Variants in ALCAM observed in about 807,000 individuals in gnomAD.
ALCAM encodes the protein CD166 antigen.
In ALCAM, 30 loss-of-function variants were observed where a neutral mutation model predicts 70.9. The observed-to-expected ratio is 0.42, with a 90% CI of 0.32 to 0.57. The LOEUF is 0.57. Among genes scored for constraint, ALCAM ranks in the 20% least tolerant of loss-of-function variants. ALCAM has a pLI of 0.11. For synonymous variants in ALCAM, 249 were observed against 242.5 expected, an observed-to-expected ratio of 1.03 and a Z score of -0.25; for missense variants, 591 against 695.1, an observed-to-expected ratio of 0.85 and a Z score of 1.68.
At chr3:105,526,203 A>C (rs73006164) in intron 3 of ALCAM, among the ~76,000 whole-genome samples, 14,759 of 151,990 alleles carry the variant, frequency 0.097, 753 homozygotes, top group Non-Finnish European at 0.12. Flanking sequence ...TCCTACACTG[A>C]GATGGTAATA....
chr3:105,391,883 T>A (rs1246393494), intron 1 of ALCAM, among the ~76,000 whole-genome samples: 4 of 152,030 alleles, frequency 2.6e-5, no homozygotes, highest in African/African-American at 9.7e-5. Flanking sequence ...ACATTGATTG[T>A]TTTATGTATG....
chr3:105,539,948 G>T (rs1576230276), intron 6 of ALCAM, 27 bp from the exon 7 acceptor site: 3 of 1,608,020 alleles, frequency 1.9e-6, no homozygotes, highest in Non-Finnish European at 1.7e-6. Flanking sequence ...GACAAAAATG[G>T]TTAACTTGTG....
At chr3:105,447,216 GAT>G (rs915221122) in intron 1 of ALCAM, among the ~76,000 whole-genome samples, 1 of 151,872 alleles carries the variant, frequency 6.6e-6, no homozygotes, top group African/African-American at 2.4e-5. Context: ...AGAGAAATGT[GAT>G]ATATATATGT....
chr3:105,403,341 G>T (rs1936138690), intron 1 of ALCAM, among the ~76,000 whole-genome samples: 1 of 152,108 alleles, frequency 6.6e-6, no homozygotes, highest in Non-Finnish European at 1.5e-5. Context: ...CCCTTATGGT[G>T]TCCACTTCAC....
At chr3:105,512,083 TA>T (rs1439853562) in intron 1 of ALCAM, among the ~76,000 whole-genome samples, 5 of 152,062 alleles carry the variant, frequency 3.3e-5, no homozygotes, top group Non-Finnish European at 5.9e-5. Context: ...CTTTGTGATA[TA>T]TTTTTTCTAA....
intron 1 of ALCAM, among the ~76,000 whole-genome samples, chr3:105,385,983 CA>C (rs1338550814): frequency 6.6e-6 from 1 of 151,472 alleles, no homozygotes. Flanking sequence ...TCTAGAAAAC[CA>C]GTGTTTTCAA....
At chr3:105,368,664 C>T (rs1935145042) in intron 1 of ALCAM, among the ~76,000 whole-genome samples, 1 of 152,124 alleles carries the variant, frequency 6.6e-6, no homozygotes, top group Non-Finnish European at 1.5e-5. Context: ...GCCTCTGAAT[C>T]TCTCCCAGGA....
In ALCAM at chr3:105,367,345, C is replaced by T. The variant is rs1178564791; in HGVS notation, c.-64C>T. On this transcript the variant is annotated 5_prime_UTR_variant, in exon 1 of 16. Coordinates refer to ENST00000306107, the MANE Select transcript of ALCAM (RefSeq NM_001627.4). The stretch of plus-strand genomic sequence containing the variant: ...CGCCAGCGCGCGGGCACCGCGGGGC[C>T]CGGGACGACGCCCCCTCCTGCGGCG... The T allele has an allele frequency of 6.3e-7, 1 of 1,575,668 alleles. No homozygotes were observed. Among genetic ancestry groups the T allele is most frequent in the Non-Finnish European group, 8.7e-7 (1 of 1,151,808 alleles).
intron 14 of ALCAM, among the ~76,000 whole-genome samples, chr3:105,567,027 T>C (rs1559659594): frequency 6.6e-6 from 1 of 152,300 alleles, no homozygotes; most frequent in Admixed American, 6.5e-5. Context: ...TTCACTGATA[T>C]AAAATTTTGG....
chr3:105,523,457 T>C (rs1321900051), intron 2 of ALCAM, among the ~76,000 whole-genome samples: 2 of 152,218 alleles, frequency 1.3e-5, no homozygotes, highest in Non-Finnish European at 2.9e-5. Flanking sequence ...CTAAAATTTG[T>C]CATGGACTAT....
chr3:105,427,451 A>C (rs916771749), intron 1 of ALCAM, among the ~76,000 whole-genome samples: 9 of 152,042 alleles, frequency 5.9e-5, no homozygotes, highest in African/African-American at 1.9e-4. Context: ...CATGGCTGCC[A>C]CTTCTGGCCC....
intron 1 of ALCAM, among the ~76,000 whole-genome samples, chr3:105,407,837 A>G (rs774071857): frequency 1.3e-5 from 2 of 152,104 alleles, no homozygotes; most frequent in Non-Finnish European, 2.9e-5. Context: ...AGATCCTAGA[A>G]CTGGTAAATG....
chr3:105,443,373 A>G (rs951381260), intron 1 of ALCAM, among the ~76,000 whole-genome samples: 2 of 152,152 alleles, frequency 1.3e-5, no homozygotes, highest in Non-Finnish European at 2.9e-5. Flanking sequence ...TGTGTTGAAA[A>G]CCATACTCTG....
At chr3:105,420,562 C>T (rs1307752829) in intron 1 of ALCAM, among the ~76,000 whole-genome samples, 1 of 151,602 alleles carries the variant, frequency 6.6e-6, no homozygotes, top group African/African-American at 2.4e-5. Flanking sequence ...ATTATGTGTC[C>T]TATCAAAGAA....
At chr3:105,533,732 C>T (rs1388098182) in intron 5 of ALCAM, 42 bp downstream of exon 5, 15 of 1,557,960 alleles carry the variant, frequency 9.6e-6, no homozygotes, top group Admixed American at 1.7e-5. Flanking sequence ...ATTCAGAGGA[C>T]CTGTTCTGAC....
chr3:105,464,075 G>A (rs1249750615), intron 1 of ALCAM, among the ~76,000 whole-genome samples: 1 of 151,280 alleles, frequency 6.6e-6, no homozygotes, highest in African/African-American at 2.4e-5. Flanking sequence ...AACCTCCAGA[G>A]GACTAAATAG....
intron 1 of ALCAM, among the ~76,000 whole-genome samples, chr3:105,515,332 T>A (rs1939354290): frequency 1.3e-5 from 2 of 152,102 alleles, no homozygotes; most frequent in Non-Finnish European, 2.9e-5. Context: ...TGTGATTTAA[T>A]ATGTTTCTGT....
rs147797527 is a variant in ALCAM at position 105,565,004 on chromosome 3, C to T, written c.1665-6848C>T. On this transcript the variant is annotated intron_variant, in intron 14 of 15. Transcript: ENST00000306107. ...AAGATTACACCACTGCACTCCAGCC[C>T]GGGCAACAGAGCAAGACTCTGTCTG... Among the ~76,000 whole-genome samples, 370 of 151,784 alleles carry T rather than the reference C, an allele frequency of 2.4e-3. 1 individual carries two copies. Among genetic ancestry groups the T allele is most frequent in the African/African-American group, 8.7e-3 (358 of 41,386 alleles).
intron 1 of ALCAM, among the ~76,000 whole-genome samples, chr3:105,374,074 C>G (rs6764212): frequency 0.16 from 23,772 of 152,144 alleles, 2,127 homozygotes; most frequent in Non-Finnish European, 0.21. Flanking sequence ...AGACTTTGGT[C>G]ATTGGAGAAA....
Sources: gnomAD v4.1 joint callset for allele counts (sites outside exome capture counted in the v4.1 genomes callset) on GRCh38, gnomAD v4.1.1 for gene constraint, MANE v1.5 for transcripts, NCBI Gene and HGNC (gene_info 2026-07-23, HGNC 2026-07-21) for gene names.